Variants in SHISA9 observed in about 807,000 individuals in gnomAD.
SHISA9 encodes protein shisa-9.
SHISA9 carries 13 observed loss-of-function variants against 38.0 expected under a neutral mutation model. The observed-to-expected ratio is 0.34, with a 90% CI of 0.22 to 0.54. The LOEUF is 0.54. Ranked by LOEUF, SHISA9 falls within the 20% of genes least tolerant of loss-of-function variation. The pLI is 0.91. For missense variants in SHISA9, 538 were observed against 575.8 expected (o/e 0.93, Z 0.67); for synonymous variants, 275 against 242.0 (o/e 1.14, Z -1.27).
Position 12,907,208 on chromosome 16 carries a change from CCCTT to C in SHISA9, c.563+4586_563+4589del, listed in dbSNP as rs1232639986. Among the ~76,000 whole-genome samples, 20 of 133,322 alleles carry C rather than the reference CCCTT, an allele frequency of 1.5e-4. No homozygotes were observed. In the East Asian group the frequency reaches 4.5e-3, roughly 30 times the overall value. 87.5% of individuals were successfully genotyped at this position (133,322 alleles called of 152,430 possible). On this transcript the variant is annotated intron_variant, in intron 1 of 4. Transcript: ENST00000558583. The stretch of plus-strand genomic sequence containing the variant: ...TCCCTCCCTCCGTCCCTCCCTCCCT[CCCTT>C]CCTTGCTTCCTTCCTCCTTTCTTTC...
chr16:13,508,805 G>A, the SHISA9 span, among the ~76,000 whole-genome samples: 2 of 152,118 alleles, frequency 1.3e-5, no homozygotes, highest in African/African-American at 4.8e-5. Context: ...CTCATTGGCA[G>A]GTTGCTAATA....
chr16:13,109,633 G>A (rs2073958735), intron 2 of SHISA9, among the ~76,000 whole-genome samples: 1 of 152,278 alleles, frequency 6.6e-6, no homozygotes, highest in Non-Finnish European at 1.5e-5. Context: ...AGCATCCAGT[G>A]TGAGGACATT....
At chr16:13,166,657 G>T (rs1192160608) in intron 2 of SHISA9, among the ~76,000 whole-genome samples, 1 of 152,098 alleles carries the variant, frequency 6.6e-6, no homozygotes, top group Admixed American at 6.5e-5. Flanking sequence ...TTTGTCTACG[G>T]TGTGCCCCTA....
chr16:13,512,477 C>T, the SHISA9 span, among the ~76,000 whole-genome samples: 2 of 152,130 alleles, frequency 1.3e-5, no homozygotes, highest in Non-Finnish European at 2.9e-5. Context: ...CTACCATTGA[C>T]ATTCTTCACA....
chr16:13,030,081 T>C (rs1198765150), intron 2 of SHISA9, among the ~76,000 whole-genome samples: 2 of 152,244 alleles, frequency 1.3e-5, no homozygotes, highest in East Asian at 1.9e-4. Context: ...ACTTGATCAA[T>C]GTCGTTTATA....
chr16:13,488,199 C>A, the SHISA9 span, among the ~76,000 whole-genome samples: 1 of 151,646 alleles, frequency 6.6e-6, no homozygotes, highest in Non-Finnish European at 1.5e-5. Context: ...CATTCTTCCC[C>A]CCAGATTAAA....
chr16:13,056,762 G>A (rs114821625), intron 2 of SHISA9, among the ~76,000 whole-genome samples: 1,887 of 152,284 alleles, frequency 0.012, 48 homozygotes, highest in African/African-American at 0.043. Flanking sequence ...GTGCTTAAAA[G>A]GACTGCCAAA....
chr16:13,542,817 G>T, the SHISA9 span, among the ~76,000 whole-genome samples: 1 of 152,204 alleles, frequency 6.6e-6, no homozygotes, highest in Admixed American at 6.5e-5. Context: ...CACCATCAGG[G>T]ATGGAGGTTT....
rs1596551142 is a variant in SHISA9, at chr16:12,960,579, TG to T, written c.691+43765del. Among the ~76,000 whole-genome samples the T allele has an allele frequency of 2.0e-5, 3 of 152,322 alleles. No individual in the cohort carries two copies. The East Asian group carries it at 5.8e-4, about 29-fold the overall frequency. The stretch of plus-strand genomic sequence containing the variant: ...GGTACATATACACCATGGAATACTA[TG>T]CAGCCATAAAAGGGAATGAGATCAT... On this transcript the variant is annotated intron_variant, in intron 2 of 4. Transcript: ENST00000558583.
At chr16:13,511,674 G>T in the SHISA9 span, among the ~76,000 whole-genome samples, 1 of 152,014 alleles carries the variant, frequency 6.6e-6, no homozygotes, top group African/African-American at 2.4e-5. Flanking sequence ...AGGGAGGGAG[G>T]GGGGATTCAG....
chr16:13,212,654 T>C, intron 3 of SHISA9, among the ~76,000 whole-genome samples: 1 of 152,192 alleles, frequency 6.6e-6, no homozygotes, highest in East Asian at 1.9e-4. Flanking sequence ...GTGGATAAAA[T>C]TGAATGCATT....
At chr16:13,147,077 A>C (rs2050453815) in intron 2 of SHISA9, among the ~76,000 whole-genome samples, 1 of 152,212 alleles carries the variant, frequency 6.6e-6, no homozygotes, top group African/African-American at 2.4e-5. Flanking sequence ...TTCTGCAAAT[A>C]AGAGGGACTT....
intron 2 of SHISA9, among the ~76,000 whole-genome samples, chr16:13,167,460 T>TAA (rs1231573261): frequency 6.6e-6 from 1 of 152,174 alleles, no homozygotes; most frequent in Non-Finnish European, 1.5e-5. Flanking sequence ...TTGTGCCTCT[T>TAA]ACGTTTCTGG....
chr16:12,963,011 C>A (rs190658315), intron 2 of SHISA9, among the ~76,000 whole-genome samples: 1 of 152,314 alleles, frequency 6.6e-6, no homozygotes, highest in African/African-American at 2.4e-5. Context: ...ATCCTACTGC[C>A]AAGCCCAGTC....
chr16:13,491,519 C>T, the SHISA9 span, among the ~76,000 whole-genome samples: 1 of 151,832 alleles, frequency 6.6e-6, no homozygotes, highest in Admixed American at 6.6e-5. Flanking sequence ...GACTGAATCT[C>T]ACTCTGTCAC....
chr16:13,188,815 A>G (rs2142038912), intron 2 of SHISA9, among the ~76,000 whole-genome samples: 1 of 152,234 alleles, frequency 6.6e-6, no homozygotes, highest in Middle Eastern at 3.4e-3. Flanking sequence ...GGAATGTTAC[A>G]ATATAATATT....
chr16:13,070,887 G>T (rs940479290), intron 2 of SHISA9, among the ~76,000 whole-genome samples: 1 of 152,154 alleles, frequency 6.6e-6, no homozygotes, highest in Admixed American at 6.5e-5. Context: ...TCCCTGAGGA[G>T]CCCCGAGGAA....
At chr16:13,326,068 T>TAAAA in the SHISA9 span, among the ~76,000 whole-genome samples, 1 of 112,378 alleles carries the variant, frequency 8.9e-6, no homozygotes, top group Non-Finnish European at 1.9e-5. Flanking sequence ...AAAGTCAAAT[T>TAAAA]AAAAAAAAAA....
At chr16:13,198,528 C>T (rs1284396057) in intron 2 of SHISA9, among the ~76,000 whole-genome samples, 3 of 152,126 alleles carry the variant, frequency 2.0e-5, no homozygotes, top group South Asian at 2.1e-4. Context: ...TTTTCACTCA[C>T]CCTATTGTTC....
Sources: gnomAD v4.1 joint callset for allele counts (sites outside exome capture counted in the v4.1 genomes callset) on GRCh38, gnomAD v4.1.1 for gene constraint, MANE v1.5 for transcripts, NCBI Gene and HGNC (gene_info 2026-07-23, HGNC 2026-07-21) for gene names.